MGST1: variants seen among roughly 807,000 people sequenced by gnomAD.
MGST1 encodes the protein microsomal glutathione S-transferase 1.
A neutral mutation model predicts 8.9 loss-of-function variants in MGST1; 5 were observed. The ratio of observed to expected loss-of-function variants is 0.56; its 90% CI spans 0.29 to 1.19. The LOEUF is 1.19. Ranked by LOEUF, MGST1 falls within the 50% of genes most tolerant of loss-of-function variation. The pLI is 0.08. For synonymous variants in MGST1, 54 were observed against 67.8 expected, an observed-to-expected ratio of 0.80 and a Z score of 1.00; for missense variants, 182 against 187.4, an observed-to-expected ratio of 0.97 and a Z score of 0.17.
In MGST1 at chr12:16,449,157, C is replaced by T. The variant is rs1941108035; in HGVS notation, n.482+65553C>T. 3.3e-5 allele frequency among the ~76,000 whole-genome samples: 5 copies of T among 152,024 alleles called. No individual in the cohort carries two copies. In the South Asian group the frequency reaches 6.2e-4, roughly 19 times the overall value. ...ATAAAGAAAAGAGGCTTAATTGGCC[C>T]ACAGTTCTGCAGGCTGTACAGGAAG... On this transcript the variant is annotated intron_variant and non_coding_transcript_variant, in intron 4 of 4. Coordinates refer to the MGST1 transcript ENST00000538857.
intron 1 of MGST1, among the ~76,000 whole-genome samples, chr12:16,387,815 G>A (rs556810520): frequency 7.2e-5 from 11 of 151,794 alleles, no homozygotes; most frequent in Non-Finnish European, 1.0e-4. Flanking sequence ...GTGAGCCGCC[G>A]CACCCTGCTG....
Position 16,584,020 on chromosome 12 carries a change from T to C in MGST1, n.483-5508T>C, listed in dbSNP as rs967988086. 1.5e-4 allele frequency among the ~76,000 whole-genome samples: 23 copies of C among 152,178 alleles called. No individual in the cohort carries two copies. The highest frequency in any genetic ancestry group is 1.3e-4 in the Non-Finnish European group (9 of 68,030). On this transcript the variant is annotated intron_variant and non_coding_transcript_variant, in intron 4 of 4. Transcript: ENST00000538857. This position sits in a 1 kb window ranked among gnomAD's most constrained non-coding sequence, Gnocchi z 5.2. ...ATACTTTTCCATAAGGAAAAGACAC[T>C]GTATATAATTCTGGGATGGCAGGCT...
intron 4 of MGST1, among the ~76,000 whole-genome samples, chr12:16,474,302 A>C (rs568163937): frequency 6.6e-6 from 1 of 152,362 alleles, no homozygotes; most frequent in South Asian, 2.1e-4. Flanking sequence ...GCAGCTTCAG[A>C]TGAAGAATTA....
At chr12:16,579,710 A>C (rs1177086866) in intron 4 of MGST1, among the ~76,000 whole-genome samples, 1 of 152,232 alleles carries the variant, frequency 6.6e-6, no homozygotes, top group African/African-American at 2.4e-5. Flanking sequence ...GTAAGAATTC[A>C]GAAAATTTTT....
chr12:16,522,462 G>C (rs1422571366), intron 4 of MGST1, among the ~76,000 whole-genome samples: 5 of 152,034 alleles, frequency 3.3e-5, no homozygotes, highest in Admixed American at 6.6e-5. Context: ...AGTACTCCAA[G>C]GTAATGTTAT....
chr12:16,352,947 A>C (rs950285805), intron 1 of MGST1, among the ~76,000 whole-genome samples: 2 of 152,040 alleles, frequency 1.3e-5, no homozygotes, highest in Admixed American at 1.3e-4. Context: ...TTATAAATTT[A>C]TTGAGGGTTT....
At chr12:16,427,186 A>T (rs10846364) in intron 1 of MGST1, among the ~76,000 whole-genome samples, 3 of 151,792 alleles carry the variant, frequency 2.0e-5, no homozygotes, top group African/African-American at 7.3e-5. Flanking sequence ...GATTTTAAGA[A>T]GACTAACATA....
At chr12:16,580,532 C>T (rs1943127422) in intron 4 of MGST1, among the ~76,000 whole-genome samples, 1 of 152,120 alleles carries the variant, frequency 6.6e-6, no homozygotes, top group African/African-American at 2.4e-5. Flanking sequence ...CTTTGGAGGA[C>T]TTTTCTGGGG....
chr12:16,572,366 A>G (rs1264540209), intron 4 of MGST1, among the ~76,000 whole-genome samples: 1 of 122,286 alleles, frequency 8.2e-6, no homozygotes, highest in Non-Finnish European at 1.7e-5. Context: ...TTTTTTGTAA[A>G]GAGCTGTTTC....
At chr12:16,397,577 C>CA (rs561070587) in intron 1 of MGST1, among the ~76,000 whole-genome samples, 230 of 147,472 alleles carry the variant, frequency 1.6e-3, no homozygotes, top group African/African-American at 3.1e-3. Flanking sequence ...AACAAAATAG[C>CA]AAAAAAAAAC....
rs1420319257 is a variant in MGST1, at chr12:16,458,062, T to A, written n.482+74458T>A. On this transcript the variant is annotated intron_variant and non_coding_transcript_variant, in intron 4 of 4. Transcript: ENST00000538857. The surrounding 1 kb of genome is among the most constrained non-coding windows in gnomAD (Gnocchi z 4.0). ...TGCTAATTCAATTACACTGAAATTG[T>A]TTAATAGAAAATATAATTGCTTATT... Among the ~76,000 whole-genome samples, 1 of 151,990 alleles carries A rather than the reference T, an allele frequency of 6.6e-6. No homozygotes were observed. The highest frequency in any genetic ancestry group is 1.5e-5 in the Non-Finnish European group (1 of 67,940).
At position 16,363,227 on chromosome 12, in the gene MGST1, A is replaced by G. The variant is rs1940077736; in HGVS notation, c.222-568A>G. On this transcript the variant is annotated intron_variant, in intron 3 of 3. Coordinates refer to ENST00000396210, the MANE Select transcript of MGST1 (RefSeq NM_020300.5). The surrounding 1 kb of genome is among the most constrained non-coding windows in gnomAD (Gnocchi z 4.6). The stretch of plus-strand genomic sequence containing the variant: ...GATAGGTTAGCAAAAATTTTACTAT[A>G]TTTGAAAGGCTAGTTATGTATTCTG... 6.6e-6 allele frequency: 1 copy of G among 152,164 alleles called. No homozygotes were observed. The allele number at this position is 152,164 out of a possible 1,614,324, so 9.4% of individuals were successfully genotyped here.
At chr12:16,396,360 C>T (rs547180778) in intron 1 of MGST1, among the ~76,000 whole-genome samples, 2 of 152,294 alleles carry the variant, frequency 1.3e-5, no homozygotes, top group African/African-American at 4.8e-5. Flanking sequence ...AAAGCATTCC[C>T]TCTGAGAACT....
intron 1 of MGST1, among the ~76,000 whole-genome samples, chr12:16,409,425 G>T (rs561128996): frequency 2.0e-5 from 3 of 152,092 alleles, no homozygotes; most frequent in Non-Finnish European, 2.9e-5. Flanking sequence ...TCTCAATAGG[G>T]TGATGTAATA....
intron 4 of MGST1, among the ~76,000 whole-genome samples, chr12:16,491,503 T>A (rs942362958): frequency 3.9e-5 from 6 of 152,202 alleles, no homozygotes; most frequent in South Asian, 2.1e-4. Context: ...ATTCATGTTA[T>A]CTGGACCTTG....
At chr12:16,380,903 T>A (rs1021050151), downstream of MGST1, among the ~76,000 whole-genome samples, 1 of 152,196 alleles carries the variant, frequency 6.6e-6, no homozygotes, top group Non-Finnish European at 1.5e-5. Flanking sequence ...TGTAGTGGCC[T>A]TCTTTGTCTC....
At chr12:16,531,624 GAACTACTAA>G (rs2137201054) in intron 4 of MGST1, among the ~76,000 whole-genome samples, 1 of 152,126 alleles carries the variant, frequency 6.6e-6, no homozygotes, top group South Asian at 2.1e-4. Context: ...CTCTGAAAAA[GAACTACTAA>G]ATGAAACAAA....
chr12:16,419,028 A>G (rs946992305), intron 1 of MGST1, among the ~76,000 whole-genome samples: 2 of 152,150 alleles, frequency 1.3e-5, no homozygotes, highest in Non-Finnish European at 1.5e-5. Flanking sequence ...CAGAGACGGT[A>G]GCTCTACTCC....
chr12:16,407,975 T>C (rs1211252510), intron 1 of MGST1, among the ~76,000 whole-genome samples: 1 of 132,920 alleles, frequency 7.5e-6, no homozygotes, highest in Non-Finnish European at 1.5e-5. Flanking sequence ...GAGGTTGCAG[T>C]GAGTCGAGAT....
Sources: gnomAD v4.1 joint callset for allele counts (sites outside exome capture counted in the v4.1 genomes callset) on GRCh38, gnomAD v4.1.1 for gene constraint, Gnocchi (gnomAD v3.1) non-coding constraint, MANE v1.5 for transcripts, NCBI Gene and HGNC (gene_info 2026-07-23, HGNC 2026-07-21) for gene names.